COLEC12: variants seen among roughly 807,000 people sequenced by gnomAD.
COLEC12 encodes the protein collectin subfamily member 12.
In COLEC12, 33 loss-of-function variants were observed where a neutral mutation model predicts 71.1. That is an observed-to-expected ratio of 0.46 (90% CI 0.35 to 0.62). COLEC12 has a LOEUF of 0.62. COLEC12 is among the 20% of genes least tolerant of loss of function. The probability of loss-of-function intolerance (pLI) is 0.00; values close to 1 mark genes in which losing one functional copy is unlikely to be tolerated. For synonymous variants in COLEC12, 350 were observed against 353.0 expected (o/e 0.99, Z 0.10); for missense variants, 765 against 916.1 (o/e 0.84, Z 2.13).
At chr18:419,835 G>C (rs1916062113) in intron 2 of COLEC12, among the ~76,000 whole-genome samples, 1 of 152,164 alleles carries the variant, frequency 6.6e-6, no homozygotes, top group African/African-American at 2.4e-5. Flanking sequence ...GGTGATCTCT[G>C]TGAAAACTTA....
rs1182824324 is a variant in COLEC12 at position 327,577 on chromosome 18, T to C, written c.2063+4091A>G. On this transcript the variant is annotated intron_variant, in intron 8 of 9. Coordinates refer to ENST00000400256, the MANE Select transcript of COLEC12 (RefSeq NM_130386.3). The surrounding 1 kb of genome is among the most constrained non-coding windows in gnomAD (Gnocchi z 4.0). ...CCCTAAGCCTTTGGCTTCTGTTCCA[T>C]GTCACTATTGCCTTCTGTCTGTTCC... Among the ~76,000 whole-genome samples, 3 of 152,264 alleles carry C rather than the reference T, an allele frequency of 2.0e-5. No homozygotes were observed. The highest frequency in any genetic ancestry group is 4.4e-5 in the Non-Finnish European group (3 of 68,048).
chr18:433,228 A>C (rs1429001452), intron 2 of COLEC12, among the ~76,000 whole-genome samples: 1 of 152,114 alleles, frequency 6.6e-6, no homozygotes, highest in African/African-American at 2.4e-5. Context: ...CTGAGCTTAC[A>C]TTTTTTTCCT....
chr18:339,536 C>CTGG lies in COLEC12; in HGVS notation c.1328-4307_1328-4306insCCA, dbSNP rs79713399. On this transcript the variant is annotated intron_variant, in intron 5 of 9. Transcript: ENST00000400256. ...GTTCTACTTGTGATTGACTTCCCAG[C>CTGG]AAATTTCCCCATCCGAAGTACTACA... Among the ~76,000 whole-genome samples, 438 of 121,976 alleles carry CTGG rather than the reference C, an allele frequency of 3.6e-3. 2 individuals are homozygous for CTGG. Among genetic ancestry groups the CTGG allele is most frequent in the East Asian group, 7.1e-3 (36 of 5,070 alleles). 80.0% of individuals were successfully genotyped at this position (121,976 alleles called of 152,430 possible).
At chr18:395,922 A>G (rs1238252331) in intron 2 of COLEC12, among the ~76,000 whole-genome samples, 1 of 152,128 alleles carries the variant, frequency 6.6e-6, no homozygotes, top group Non-Finnish European at 1.5e-5. Context: ...AATTCAAAGC[A>G]CATGTTTATT....
chr18:349,405 A>C (rs1488821874), intron 3 of COLEC12, among the ~76,000 whole-genome samples: 1 of 152,212 alleles, frequency 6.6e-6, no homozygotes, highest in African/African-American at 2.4e-5. Flanking sequence ...ATTTCAGAGG[A>C]TGTATGGGAA....
At chr18:357,948 C>A (rs1335505501) in intron 2 of COLEC12, among the ~76,000 whole-genome samples, 1 of 152,124 alleles carries the variant, frequency 6.6e-6, no homozygotes, top group Admixed American at 6.5e-5. Context: ...GCCAGCATGA[C>A]CACCTGAGCT....
At chr18:461,693 AT>A (rs36064555) in intron 2 of COLEC12, among the ~76,000 whole-genome samples, 116,636 of 151,624 alleles carry the variant, frequency 0.77, 45,133 homozygotes, top group East Asian at 0.98. Flanking sequence ...CGGCTAAGAG[AT>A]TTTTTTTTTC....
chr18:452,692 C>T (rs748771098), intron 2 of COLEC12, among the ~76,000 whole-genome samples: 1 of 152,242 alleles, frequency 6.6e-6, no homozygotes, highest in Non-Finnish European at 1.5e-5. Flanking sequence ...CCAATCAAAG[C>T]CAGGACCCAA....
At position 399,996 on chromosome 18, in the gene COLEC12, GA is replaced by G. The variant is rs894399711; in HGVS notation, c.59-42475del. ...AGGCTGTATTTATTGGGAGTGTATA[GA>G]AAATCCCATGACATAGTTTTTGCAA... On this transcript the variant is annotated intron_variant, in intron 2 of 9. Coordinates refer to ENST00000400256, the MANE Select transcript of COLEC12 (RefSeq NM_130386.3). The surrounding 1 kb of genome is among the most constrained non-coding windows in gnomAD (Gnocchi z 4.0). Among the ~76,000 whole-genome samples the G allele has an allele frequency of 2.6e-5, 4 of 152,170 alleles. No homozygotes were observed. Among genetic ancestry groups the G allele is most frequent in the African/African-American group, 9.7e-5 (4 of 41,442 alleles).
chr18:430,502 C>T (rs888195798), intron 2 of COLEC12, among the ~76,000 whole-genome samples: 6 of 152,066 alleles, frequency 3.9e-5, no homozygotes, highest in Non-Finnish European at 5.9e-5. Flanking sequence ...TTCCCTTTCA[C>T]TTATACAGTA....
chr18:459,957 C>G (rs1206143917), intron 2 of COLEC12, among the ~76,000 whole-genome samples: 1 of 151,992 alleles, frequency 6.6e-6, no homozygotes, highest in Admixed American at 6.6e-5. Flanking sequence ...GGGTACTGCC[C>G]TGAGGTTCCT....
chr18:380,359 C>T (rs1915203769), intron 2 of COLEC12, among the ~76,000 whole-genome samples: 1 of 152,142 alleles, frequency 6.6e-6, no homozygotes, highest in Non-Finnish European at 1.5e-5. Flanking sequence ...TCCTCTATAA[C>T]CCATCTCAAA....
Position 480,614 on chromosome 18 carries a change from G to A in COLEC12, c.58+93C>T. 2.7e-6 allele frequency: 3 copies of A among 1,103,158 alleles called. No homozygotes were observed. Among genetic ancestry groups the A allele is most frequent in the Non-Finnish European group, 4.2e-6 (3 of 714,450 alleles). The allele number at this position is 1,103,158 out of a possible 1,614,324, so 68.3% of individuals were successfully genotyped here. A position where few individuals can be genotyped will look rare whatever the true frequency, so the allele number is the denominator to read the frequency against. ...AGCCACAAACACCCATGTGCATGAAGGGCCTGCCAGTGGCCTGCCAATGGT... is the reference window on the plus strand; with the variant it reads ...AGCCACAAACACCCATGTGCATGAAAGGCCTGCCAGTGGCCTGCCAATGGT... On this transcript the variant is annotated intron_variant, in intron 2 of 9. Transcript: ENST00000400256. This position sits in a 1 kb window ranked among gnomAD's most constrained non-coding sequence, Gnocchi z 4.1.
chr18:474,706 C>G (rs1917269684), intron 2 of COLEC12, among the ~76,000 whole-genome samples: 1 of 152,208 alleles, frequency 6.6e-6, no homozygotes, highest in Non-Finnish European at 1.5e-5. Context: ...CTCTGTGACT[C>G]CCCTTCCAGC....
chr18:340,089 A>C (rs908289369), intron 5 of COLEC12, among the ~76,000 whole-genome samples: 1 of 151,454 alleles, frequency 6.6e-6, no homozygotes, highest in Non-Finnish European at 1.5e-5. Context: ...AAAAAAAAAA[A>C]AACAAAAAGA....
intron 2 of COLEC12, among the ~76,000 whole-genome samples, chr18:468,631 GTCTT>G (rs1917134337): frequency 6.6e-6 from 1 of 152,188 alleles, no homozygotes; most frequent in East Asian, 1.9e-4. Flanking sequence ...CCCCATCTTT[GTCTT>G]TCTCTCTTAG....
At chr18:358,296 A>G (rs1914670865) in intron 2 of COLEC12, among the ~76,000 whole-genome samples, 2 of 152,168 alleles carry the variant, frequency 1.3e-5, no homozygotes, top group African/African-American at 2.4e-5. Context: ...TGGTTTCGGG[A>G]TGATTCAAAT....
chr18:417,775 T>C (rs1360890665), intron 2 of COLEC12, among the ~76,000 whole-genome samples: 2 of 152,244 alleles, frequency 1.3e-5, no homozygotes, highest in Non-Finnish European at 1.5e-5. Context: ...TGATTTCACA[T>C]GCATCAGGAG....
intron 2 of COLEC12, among the ~76,000 whole-genome samples, chr18:472,313 A>G (rs1917213248): frequency 6.6e-6 from 1 of 152,144 alleles, no homozygotes; most frequent in African/African-American, 2.4e-5. Context: ...TCAGTATGCT[A>G]CCTTCCTTAA....
Sources: allele counts gnomAD v4.1 joint callset (sites outside exome capture counted in the v4.1 genomes callset), GRCh38; gene constraint gnomAD v4.1.1; non-coding constraint Gnocchi (gnomAD v3.1); transcripts MANE v1.5; gene names NCBI Gene and HGNC (gene_info 2026-07-23, HGNC 2026-07-21).